RUNX1: variants seen among roughly 807,000 people sequenced by gnomAD.
The protein encoded by RUNX1 is RUNX family transcription factor 1.
A neutral mutation model predicts 42.8 loss-of-function variants in RUNX1; 19 were observed. That is an observed-to-expected ratio of 0.44 (90% CI 0.31 to 0.65). The LOEUF (loss-of-function observed/expected upper bound fraction) is 0.65, where lower values mean the gene tolerates loss of function less well. Among genes scored for constraint, RUNX1 ranks in the 30% least tolerant of loss-of-function variants. The pLI is 0.07. For synonymous variants in RUNX1, 271 were observed against 289.4 expected, an observed-to-expected ratio of 0.94 and a Z score of 0.64; for missense variants, 528 against 672.0, an observed-to-expected ratio of 0.79 and a Z score of 2.37.
intron 7 of RUNX1, among the ~76,000 whole-genome samples, chr21:34,820,281 C>G (rs1289494392): frequency 6.6e-6 from 1 of 152,054 alleles, no homozygotes; most frequent in Non-Finnish European, 1.5e-5. Flanking sequence ...AGGAGGATTT[C>G]CCTTCCTTGC....
intron 2 of RUNX1, among the ~76,000 whole-genome samples, chr21:34,954,999 C>T (rs2146682617): frequency 6.6e-6 from 1 of 152,278 alleles, no homozygotes; most frequent in Non-Finnish European, 1.5e-5. Context: ...CAGCCTTCAG[C>T]TTGATTCCTG....
intron 7 of RUNX1, among the ~76,000 whole-genome samples, chr21:34,805,222 G>T (rs1014692212): frequency 2.0e-5 from 3 of 152,136 alleles, no homozygotes; most frequent in African/African-American, 7.2e-5. Context: ...GAACATCCAA[G>T]AACTGTGAGA....
intron 5 of RUNX1, among the ~76,000 whole-genome samples, chr21:34,860,742 C>G (rs531513603): frequency 7.9e-5 from 12 of 151,998 alleles, no homozygotes; most frequent in Non-Finnish European, 1.3e-4. Context: ...TCAATTGTCA[C>G]ACATGTCTTA....
intron 7 of RUNX1, among the ~76,000 whole-genome samples, chr21:34,800,076 C>G (rs758339568): frequency 2.6e-5 from 4 of 152,220 alleles, no homozygotes; most frequent in Non-Finnish European, 4.4e-5. Context: ...AGCAGTAGAA[C>G]TGGCCCTATC....
chr21:34,834,574 G>A lies in RUNX1; in HGVS notation c.641C>T (p.Thr214Ile), dbSNP rs747505757. 1.1e-5 allele frequency: 17 copies of A among 1,497,386 alleles called. No individual in the cohort carries two copies. Among genetic ancestry groups the A allele is most frequent in the East Asian group, 2.8e-5 (1 of 36,116 alleles). The allele number at this position is 1,497,386 out of a possible 1,614,324, so 92.8% of individuals were successfully genotyped here. The change falls in exon 7 of 9, where the codon ACC becomes ATC. Residue 214 changes from threonine to isoleucine, a missense_variant. Coordinates refer to ENST00000675419, the MANE Select transcript of RUNX1 (RefSeq NM_001754.5). ...GGAAAAGGACAAGCTCCCGGGCTTG[G>A]TCTGATCATCTAGTTTCTGCCGATG... ...RRHRQKLDDQ[T>I]KPGSLSFSER...
intron 2 of RUNX1, among the ~76,000 whole-genome samples, chr21:34,905,938 C>T (rs929897073): frequency 6.6e-6 from 1 of 152,094 alleles, no homozygotes; most frequent in African/African-American, 2.4e-5. Context: ...TGTTGAAGCC[C>T]TGAGTATGTA....
chr21:34,961,054 T>C (rs762210640), intron 2 of RUNX1, among the ~76,000 whole-genome samples: 2 of 152,186 alleles, frequency 1.3e-5, no homozygotes, highest in Non-Finnish European at 2.9e-5. Flanking sequence ...GACAAGATTT[T>C]AACAAAACCA....
intron 2 of RUNX1, among the ~76,000 whole-genome samples, chr21:34,950,525 G>A (rs1184315888): frequency 6.6e-6 from 1 of 152,152 alleles, no homozygotes; most frequent in Non-Finnish European, 1.5e-5. Context: ...GATCACTTGA[G>A]GTCAGGAGTT....
chr21:34,880,874 G>A (rs571653169), intron 4 of RUNX1, among the ~76,000 whole-genome samples, 161 bp from the exon 5 acceptor site: 6 of 152,320 alleles, frequency 3.9e-5, no homozygotes, highest in African/African-American at 9.6e-5. Context: ...CAACAGAAAA[G>A]TTATAAAGAG....
At chr21:34,969,546 A>C (rs894639200) in intron 2 of RUNX1, among the ~76,000 whole-genome samples, 3 of 152,196 alleles carry the variant, frequency 2.0e-5, no homozygotes, top group African/African-American at 4.8e-5. Flanking sequence ...TTTTGCATTT[A>C]AGTTTAAGAC....
At chr21:34,847,395 C>A (rs80243350) in intron 6 of RUNX1, among the ~76,000 whole-genome samples, 1 of 151,954 alleles carries the variant, frequency 6.6e-6, no homozygotes, top group African/African-American at 2.4e-5. Flanking sequence ...CTGAAAGACA[C>A]GACGAGATAA....
At chr21:34,985,726 C>T (rs2058880894) in intron 2 of RUNX1, among the ~76,000 whole-genome samples, 1 of 152,032 alleles carries the variant, frequency 6.6e-6, no homozygotes. Context: ...CTATTTTATT[C>T]ACTCATATTT....
intron 2 of RUNX1, among the ~76,000 whole-genome samples, chr21:34,929,101 A>G (rs892856336): frequency 1.3e-5 from 2 of 152,136 alleles, no homozygotes; most frequent in Non-Finnish European, 2.9e-5. Context: ...GCAACTTGTC[A>G]CCAGAAAAAT....
At chr21:35,026,091 C>T (rs1219975302) in intron 2 of RUNX1, among the ~76,000 whole-genome samples, 1 of 152,210 alleles carries the variant, frequency 6.6e-6, no homozygotes, top group African/African-American at 2.4e-5. Context: ...CAACAGGCAT[C>T]ATCTTCTGTG....
intron 2 of RUNX1, among the ~76,000 whole-genome samples, chr21:34,959,781 C>A (rs1018157492): frequency 6.6e-6 from 1 of 152,170 alleles, no homozygotes; most frequent in Non-Finnish European, 1.5e-5. Flanking sequence ...GTGCCTCCAG[C>A]TGGTCCTAAA....
intron 2 of RUNX1, among the ~76,000 whole-genome samples, chr21:34,949,546 T>C (rs1007053483): frequency 6.6e-6 from 1 of 152,258 alleles, no homozygotes; most frequent in Non-Finnish European, 1.5e-5. Flanking sequence ...GGATGTAACC[T>C]ACCAGTGGAA....
chr21:34,864,166 G>T (rs887196334), intron 5 of RUNX1, among the ~76,000 whole-genome samples: 1 of 152,238 alleles, frequency 6.6e-6, no homozygotes, highest in Non-Finnish European at 1.5e-5. Context: ...CCCCATGGCG[G>T]CTGGGACACA....
intron 2 of RUNX1, among the ~76,000 whole-genome samples, chr21:34,957,692 A>G (rs726157): frequency 0.048 from 7,238 of 152,268 alleles, 559 homozygotes; most frequent in African/African-American, 0.16. Context: ...ACACATCATA[A>G]TCATTGAGCT....
chr21:34,957,657 C>G (rs1363980209), intron 2 of RUNX1, among the ~76,000 whole-genome samples: 3 of 152,160 alleles, frequency 2.0e-5, no homozygotes, highest in African/African-American at 7.2e-5. Context: ...TTCGTACATT[C>G]TAGACACACA....
Sources: allele counts gnomAD v4.1 joint callset (sites outside exome capture counted in the v4.1 genomes callset), GRCh38; gene constraint gnomAD v4.1.1; transcripts MANE v1.5; gene names NCBI Gene and HGNC (gene_info 2026-07-23, HGNC 2026-07-21).